The following ZBTB20 variants were observed in gnomAD, a reference collection of about 807,000 sequenced individuals.
ZBTB20 encodes the protein zinc finger and BTB domain containing 20, also known as zinc finger and BTB domain-containing protein 20.
In ZBTB20, 9 loss-of-function variants were observed where a neutral mutation model predicts 56.9. The ratio of observed to expected loss-of-function variants is 0.16; its 90% confidence interval spans 0.10 to 0.28. ZBTB20 has a LOEUF of 0.28. Among genes scored for constraint, ZBTB20 ranks in the 10% least tolerant of loss-of-function variants. The pLI is 1.00. For synonymous variants in ZBTB20, 417 were observed against 420.7 expected (o/e 0.99, Z 0.11); for missense variants, 655 against 1,003.0 (o/e 0.65, Z 4.69).
At chr3:115,006,760 A>G (rs747826968) in intron 2 of ZBTB20, among the ~76,000 whole-genome samples, 1 of 151,668 alleles carries the variant, frequency 6.6e-6, no homozygotes, top group Non-Finnish European at 1.5e-5. Context: ...GGAACTAAGT[A>G]CCTTTTAAGG....
chr3:114,438,089 T>G (rs2090639886), intron 7 of ZBTB20, among the ~76,000 whole-genome samples: 1 of 151,852 alleles, frequency 6.6e-6, no homozygotes, highest in African/African-American at 2.4e-5. Context: ...GTGTTTTGAG[T>G]AAGAAGAATA....
At chr3:114,802,236 C>G (rs2035884056) in intron 4 of ZBTB20, among the ~76,000 whole-genome samples, 1 of 151,806 alleles carries the variant, frequency 6.6e-6, no homozygotes, top group Non-Finnish European at 1.5e-5. Flanking sequence ...TGTTTACATC[C>G]AATTTCACAT....
chr3:114,618,069 A>G (rs1265104618), intron 6 of ZBTB20, among the ~76,000 whole-genome samples: 1 of 127,682 alleles, frequency 7.8e-6, no homozygotes, highest in Non-Finnish European at 1.8e-5. Flanking sequence ...CAAGGAGAAC[A>G]AAGATTTCTG....
chr3:114,616,825 A>G (rs1373235090), intron 6 of ZBTB20, among the ~76,000 whole-genome samples: 3 of 151,762 alleles, frequency 2.0e-5, no homozygotes, highest in African/African-American at 7.3e-5. Flanking sequence ...TCCAAAATCT[A>G]CTCTTCCTCC....
chr3:114,745,801 GTAA>G (rs1347056910), intron 5 of ZBTB20, among the ~76,000 whole-genome samples: 2 of 152,092 alleles, frequency 1.3e-5, no homozygotes, highest in African/African-American at 2.4e-5. Flanking sequence ...AATAATAATA[GTAA>G]TAATGATGAT....
intron 2 of ZBTB20, among the ~76,000 whole-genome samples, chr3:115,043,198 C>A (rs2081208578): frequency 6.6e-6 from 1 of 151,976 alleles, no homozygotes; most frequent in Admixed American, 6.6e-5. Flanking sequence ...AATTAATGAG[C>A]CTATTTCATG....
At chr3:114,486,120 G>A (rs1419885113) in intron 7 of ZBTB20, among the ~76,000 whole-genome samples, 1 of 20,342 alleles carries the variant, frequency 4.9e-5, no homozygotes, top group African/African-American at 1.9e-4. Flanking sequence ...GTCAGTAAGA[G>A]TGTGTGTGTG....
intron 3 of ZBTB20, among the ~76,000 whole-genome samples, chr3:114,903,141 G>A (rs1188815141): frequency 6.6e-6 from 1 of 152,040 alleles, no homozygotes; most frequent in African/African-American, 2.4e-5. Flanking sequence ...GAGGTAGGGT[G>A]GTAGTTAAGC....
At chr3:114,935,460 G>A (rs1284527195) in intron 3 of ZBTB20, among the ~76,000 whole-genome samples, 13 of 152,094 alleles carry the variant, frequency 8.5e-5, no homozygotes, top group Admixed American at 1.3e-4. Flanking sequence ...ATGAAGTGTC[G>A]TATTCTTGAC....
chr3:114,872,640 TAA>T (rs560844817), intron 4 of ZBTB20, among the ~76,000 whole-genome samples: 1 of 132,504 alleles, frequency 7.5e-6, no homozygotes. Flanking sequence ...TTGCCAGAAA[TAA>T]AAAAAAAAAA....
chr3:114,948,043 C>A (rs1452543768), intron 3 of ZBTB20, among the ~76,000 whole-genome samples: 1 of 145,290 alleles, frequency 6.9e-6, no homozygotes, highest in East Asian at 1.9e-4. Context: ...CTTTTGAATG[C>A]AAATAGAAAT....
intron 6 of ZBTB20, among the ~76,000 whole-genome samples, chr3:114,508,628 T>A (rs550199242): frequency 6.6e-6 from 1 of 152,246 alleles, no homozygotes; most frequent in Non-Finnish European, 1.5e-5. Flanking sequence ...AGCCTTTGAG[T>A]GTTATTCGAA....
At chr3:114,902,593 A>AGT (rs2075164288) in intron 3 of ZBTB20, among the ~76,000 whole-genome samples, 2 of 152,184 alleles carry the variant, frequency 1.3e-5, no homozygotes, top group Non-Finnish European at 2.9e-5. Flanking sequence ...ATCACTTATT[A>AGT]ATGCACTAGC....
chr3:115,035,921 C>A (rs950358293), intron 2 of ZBTB20, among the ~76,000 whole-genome samples: 2 of 152,000 alleles, frequency 1.3e-5, no homozygotes, highest in South Asian at 4.1e-4. Context: ...ACATATGCTA[C>A]AACATCAGTG....
At chr3:115,119,766 C>T (rs1337757634) in intron 1 of ZBTB20, among the ~76,000 whole-genome samples, 4 of 152,132 alleles carry the variant, frequency 2.6e-5, no homozygotes, top group East Asian at 3.8e-4. Context: ...CGATTCCTTG[C>T]TTTTACCGTA....
chr3:115,074,650 C>A (rs567841226), intron 1 of ZBTB20, among the ~76,000 whole-genome samples: 1 of 152,152 alleles, frequency 6.6e-6, no homozygotes, highest in Non-Finnish European at 1.5e-5. Flanking sequence ...CATTGCACAA[C>A]AGGCACAGCA....
intron 6 of ZBTB20, among the ~76,000 whole-genome samples, chr3:114,628,528 T>C (rs754188704): frequency 7.2e-5 from 11 of 152,082 alleles, no homozygotes; most frequent in Non-Finnish European, 1.3e-4. Flanking sequence ...TCACAGACAC[T>C]TAGGACTACA....
chr3:114,974,043 A>T (rs2077997454), intron 3 of ZBTB20, among the ~76,000 whole-genome samples: 1 of 151,770 alleles, frequency 6.6e-6, no homozygotes, highest in African/African-American at 2.4e-5. Flanking sequence ...ACAGTTTAAA[A>T]TCATGAGTTC....
chr3:115,010,885 CAATT>C (rs1415844325), intron 2 of ZBTB20, among the ~76,000 whole-genome samples: 1 of 151,844 alleles, frequency 6.6e-6, no homozygotes, highest in African/African-American at 2.4e-5. Context: ...TGAGGAAACT[CAATT>C]AATTTCAAGA....
Sources: gnomAD v4.1 joint callset for allele counts (sites outside exome capture counted in the v4.1 genomes callset) on GRCh38, gnomAD v4.1.1 for gene constraint, MANE v1.5 for transcripts, NCBI Gene and HGNC (gene_info 2026-07-23, HGNC 2026-07-21) for gene names.